SYBU: variants seen among roughly 807,000 people sequenced by gnomAD.
SYBU encodes the protein GOLSYN A protein.
In SYBU, 21 loss-of-function variants were observed where a neutral mutation model predicts 35.9. The ratio of observed to expected loss-of-function variants is 0.58; its 90% CI spans 0.41 to 0.84. The LOEUF (loss-of-function observed/expected upper bound fraction) is 0.84, where lower values mean the gene tolerates loss of function less well. SYBU is among the 40% of genes least tolerant of loss of function. SYBU has a pLI of 0.00. For missense variants in SYBU, 768 were observed against 848.2 expected (o/e 0.91, Z 1.17); for synonymous variants, 319 against 324.3 (o/e 0.98, Z 0.18).
At chr8:109,678,940 G>C (rs575675480) in intron 1 of SYBU, among the ~76,000 whole-genome samples, 18 of 152,144 alleles carry the variant, frequency 1.2e-4, no homozygotes, top group Non-Finnish European at 2.1e-4. Flanking sequence ...GACCTATTGG[G>C]CTGTATTCCC....
At chr8:109,621,502 CTT>C (rs1196686876) in intron 2 of SYBU, among the ~76,000 whole-genome samples, 3 of 152,156 alleles carry the variant, frequency 2.0e-5, no homozygotes, top group East Asian at 3.8e-4. Flanking sequence ...AAAAAGATCT[CTT>C]AACTCTCTAC....
At chr8:109,625,428 G>C (rs1812884548) in intron 2 of SYBU, among the ~76,000 whole-genome samples, 1 of 152,072 alleles carries the variant, frequency 6.6e-6, no homozygotes, top group African/African-American at 2.4e-5. Context: ...TTTAAAATGT[G>C]TTTGTTTATT....
intron 4 of SYBU, among the ~76,000 whole-genome samples, chr8:109,582,742 C>G (rs1823186758): frequency 6.6e-6 from 1 of 152,128 alleles, no homozygotes; most frequent in Non-Finnish European, 1.5e-5. Context: ...GCCCTAACTC[C>G]CAGTACCACA....
chr8:109,580,566 GC>G (rs976652024), intron 4 of SYBU: 3 of 153,414 alleles, frequency 2.0e-5, no homozygotes, highest in African/African-American at 7.2e-5. Context: ...TTTTCTTCTA[GC>G]CCCAGTGACT....
chr8:109,644,942 CCGCGCCTGGG>C, upstream of SYBU: 1 of 532,860 alleles, frequency 1.9e-6, no homozygotes. Context: ...GGCAACTCGA[CCGCGCCTGGG>C]CGCGCCCCAC....
At chr8:109,638,920 T>C (rs1448551286) in intron 2 of SYBU, among the ~76,000 whole-genome samples, 2 of 152,150 alleles carry the variant, frequency 1.3e-5, no homozygotes, top group African/African-American at 2.4e-5. Context: ...CCCAAATGAA[T>C]TGCAAAAGGT....
chr8:109,648,943 G>C (rs1036008859), upstream of SYBU: 2 of 148,384 alleles, frequency 1.3e-5, no homozygotes, highest in African/African-American at 5.0e-5. Context: ...ACCAGGGAGA[G>C]AGCTGCCTGT....
chr8:109,624,852 C>T (rs772042287), intron 2 of SYBU, among the ~76,000 whole-genome samples: 4 of 152,160 alleles, frequency 2.6e-5, no homozygotes, highest in East Asian at 3.8e-4. Context: ...CACAGCCATG[C>T]CCAATCCTTT....
At chr8:109,617,947 G>A (rs1467426926) in intron 3 of SYBU, among the ~76,000 whole-genome samples, 1 of 152,210 alleles carries the variant, frequency 6.6e-6, no homozygotes, top group Non-Finnish European at 1.5e-5. Context: ...AGAGGACACA[G>A]GGCTAGGCCT....
In SYBU at chr8:109,574,845, G is replaced by GTT. The variant is rs1822020543; in HGVS notation, c.*59_*60dup. On this transcript the variant is annotated 3_prime_UTR_variant, in exon 7 of 7. Transcript: ENST00000276646. ...GACTGTCACAGATGATTGACTTCCT[G>GTT]TTTCTCTACCTGGCACAACCCACAT... 8 of 1,480,758 alleles carry GTT rather than the reference G, an allele frequency of 5.4e-6. No homozygotes were observed. Among genetic ancestry groups the GTT allele is most frequent in the Non-Finnish European group, 7.2e-6 (8 of 1,111,078 alleles). 91.7% of individuals were successfully genotyped at this position (1,480,758 alleles called of 1,614,324 possible).
chr8:109,657,862 T>G (rs1430092921), intron 1 of SYBU, among the ~76,000 whole-genome samples: 2 of 152,226 alleles, frequency 1.3e-5, no homozygotes, highest in Admixed American at 1.3e-4. Flanking sequence ...TGGCCATATA[T>G]TTATACTCAA....
At chr8:109,642,187 A>T (rs1270326029) in intron 2 of SYBU, among the ~76,000 whole-genome samples, 2 of 152,200 alleles carry the variant, frequency 1.3e-5, no homozygotes, top group African/African-American at 4.8e-5. Flanking sequence ...CATCATTCTC[A>T]GCAAACTAAA....
At chr8:109,605,560 T>C (rs1407667411) in intron 3 of SYBU, among the ~76,000 whole-genome samples, 7 of 152,300 alleles carry the variant, frequency 4.6e-5, no homozygotes, top group Non-Finnish European at 7.3e-5. Flanking sequence ...GAAGAGAATA[T>C]GCCAGAAGAA....
intron 2 of SYBU, among the ~76,000 whole-genome samples, chr8:109,623,023 G>A (rs954883275): frequency 2.3e-4 from 31 of 136,926 alleles, no homozygotes; most frequent in Non-Finnish European, 4.0e-4. Flanking sequence ...ACAGGAGCGT[G>A]CGCGCGCGCA....
At chr8:109,639,676 T>C (rs1434290036) in intron 2 of SYBU, among the ~76,000 whole-genome samples, 1 of 152,212 alleles carries the variant, frequency 6.6e-6, no homozygotes, top group Non-Finnish European at 1.5e-5. Context: ...TATTTTTTAA[T>C]ATTTGTATGC....
intron 2 of SYBU, among the ~76,000 whole-genome samples, chr8:109,621,275 C>A (rs528125969): frequency 6.6e-6 from 1 of 152,182 alleles, no homozygotes; most frequent in Non-Finnish European, 1.5e-5. Context: ...CTAGTCCTTT[C>A]AAGGATTAAG....
upstream of SYBU, among the ~76,000 whole-genome samples, chr8:109,682,247 A>G (rs1424176069): frequency 6.6e-6 from 1 of 152,190 alleles, no homozygotes; most frequent in Non-Finnish European, 1.5e-5. Context: ...AAGACAGGAA[A>G]ATGTGGAAAA....
chr8:109,619,674 A>C (rs1159556807), intron 2 of SYBU, among the ~76,000 whole-genome samples: 1 of 152,240 alleles, frequency 6.6e-6, no homozygotes, highest in South Asian at 2.1e-4. Flanking sequence ...GAAGTTCACC[A>C]GAACAATTCA....
chr8:109,625,164 A>G (rs1459184360), intron 2 of SYBU, among the ~76,000 whole-genome samples: 3 of 152,172 alleles, frequency 2.0e-5, no homozygotes, highest in Non-Finnish European at 1.5e-5. Context: ...ATGCTGAGGT[A>G]TGTTGGTAGA....
Sources: gnomAD v4.1 joint callset for allele counts (sites outside exome capture counted in the v4.1 genomes callset) on GRCh38, gnomAD v4.1.1 for gene constraint, MANE v1.5 for transcripts, NCBI Gene and HGNC (gene_info 2026-07-23, HGNC 2026-07-21) for gene names.